The following RAB30 variants were observed in gnomAD, a reference collection of about 807,000 sequenced individuals.
RAB30 encodes the protein ras-related protein Rab-30.
Under a neutral mutation model 25.1 loss-of-function variants are expected in RAB30, and 9 were observed. That is an observed-to-expected ratio of 0.36 (90% CI 0.22 to 0.63). The LOEUF is 0.63. Ranked by LOEUF, RAB30 falls within the 20% of genes least tolerant of loss-of-function variation. The probability of loss-of-function intolerance (pLI) is 0.69; values close to 1 mark genes in which losing one functional copy is unlikely to be tolerated. For missense variants in RAB30, 140 were observed against 243.5 expected, an observed-to-expected ratio of 0.58 and a Z score of 2.83; for synonymous variants, 77 against 86.4, an observed-to-expected ratio of 0.89 and a Z score of 0.60.
intron 1 of RAB30, among the ~76,000 whole-genome samples, chr11:83,031,273 G>A (rs1475842343): frequency 6.6e-6 from 1 of 152,234 alleles, no homozygotes; most frequent in Non-Finnish European, 1.5e-5. Flanking sequence ...GTTCACACAT[G>A]ACATCTGGTT....
At chr11:83,023,803 C>T (rs1363592879) in intron 1 of RAB30, among the ~76,000 whole-genome samples, 2 of 152,118 alleles carry the variant, frequency 1.3e-5, no homozygotes, top group Non-Finnish European at 2.9e-5. Context: ...GTGAATTCCC[C>T]GTGATACGTC....
chr11:83,033,055 CTTTTTTTTTTTTT>C (rs71463144), intron 1 of RAB30, among the ~76,000 whole-genome samples: 1 of 77,864 alleles, frequency 1.3e-5, no homozygotes, highest in East Asian at 3.9e-4. Context: ...GCCTCAAATT[CTTTTTTTTTTTTT>C]TTTTTTTTTT....
intron 1 of RAB30, among the ~76,000 whole-genome samples, chr11:83,044,664 C>A (rs547256724): frequency 2.0e-5 from 3 of 152,324 alleles, no homozygotes; most frequent in African/African-American, 7.2e-5. Flanking sequence ...AGGTACTCTA[C>A]ATTTAATGAG....
chr11:83,061,884 G>T (rs1043983546), intron 1 of RAB30, among the ~76,000 whole-genome samples: 3 of 151,618 alleles, frequency 2.0e-5, no homozygotes, highest in Non-Finnish European at 2.9e-5. Flanking sequence ...GGTTTGAAAG[G>T]TTTCGAATTA....
chr11:83,029,408 T>A (rs1857801274), intron 1 of RAB30, among the ~76,000 whole-genome samples: 1 of 151,710 alleles, frequency 6.6e-6, no homozygotes, highest in Admixed American at 6.6e-5. Flanking sequence ...ATTATTATTA[T>A]TATTATTATT....
chr11:82,992,305 G>A (rs1468292909), intron 3 of RAB30: 2 of 456,076 alleles, frequency 4.4e-6, no homozygotes, highest in East Asian at 1.4e-4. Context: ...CATTTATGTG[G>A]ATTTCATACC....
At chr11:83,069,330 T>C (rs1396213550) in intron 1 of RAB30, among the ~76,000 whole-genome samples, 1 of 152,222 alleles carries the variant, frequency 6.6e-6, no homozygotes, top group South Asian at 2.1e-4. Context: ...GTTACACTAG[T>C]TGCCTCCAGA....
chr11:83,071,033 AT>A (rs1858830047), intron 1 of RAB30, among the ~76,000 whole-genome samples: 1 of 152,258 alleles, frequency 6.6e-6, no homozygotes, highest in Non-Finnish European at 1.5e-5. Flanking sequence ...AACGGAAAAC[AT>A]TTAACAAAAA....
intron 1 of RAB30, among the ~76,000 whole-genome samples, chr11:83,032,125 T>C (rs1300215936): frequency 6.7e-6 from 1 of 149,058 alleles, no homozygotes; most frequent in African/African-American, 2.6e-5. Flanking sequence ...ATCAGATGTC[T>C]CAATAGTAGT....
chr11:83,015,205 C>T (rs1048615552), intron 1 of RAB30, among the ~76,000 whole-genome samples: 1 of 151,948 alleles, frequency 6.6e-6, no homozygotes, highest in East Asian at 1.9e-4. Context: ...GGTGTGGATA[C>T]CAGTAGAAAC....
intron 1 of RAB30, among the ~76,000 whole-genome samples, chr11:83,061,710 C>CTTTTTTT (rs569263010): frequency 2.4e-4 from 19 of 79,854 alleles, no homozygotes; most frequent in East Asian, 7.7e-4. Flanking sequence ...TCTTTCTTTT[C>CTTTTTTT]TTTTTTTTTT....
intron 1 of RAB30, among the ~76,000 whole-genome samples, chr11:83,054,886 G>A (rs923973892): frequency 1.3e-5 from 2 of 152,074 alleles, no homozygotes; most frequent in African/African-American, 2.4e-5. Context: ...AAAGAAAAAC[G>A]AAAAGAAAGC....
intron 1 of RAB30, among the ~76,000 whole-genome samples, chr11:83,063,923 ATATAT>A (rs975677025): frequency 2.6e-5 from 4 of 152,204 alleles, no homozygotes; most frequent in Non-Finnish European, 4.4e-5. Flanking sequence ...AATGCCCAAA[ATATAT>A]TAAGTAAAAG....
chr11:83,013,954 T>C (rs1857358709), intron 1 of RAB30, among the ~76,000 whole-genome samples: 1 of 152,212 alleles, frequency 6.6e-6, no homozygotes, highest in Admixed American at 6.5e-5. Flanking sequence ...GCCTCTCCAT[T>C]TTACAGGTGA....
intron 1 of RAB30, among the ~76,000 whole-genome samples, chr11:83,029,540 T>G (rs1252167735): frequency 6.6e-6 from 1 of 152,134 alleles, no homozygotes; most frequent in East Asian, 1.9e-4. Flanking sequence ...GTGCTGGGAT[T>G]ACAGGTATGA....
intron 1 of RAB30, among the ~76,000 whole-genome samples, chr11:83,011,750 C>T (rs925119409): frequency 6.6e-6 from 1 of 152,154 alleles, no homozygotes; most frequent in Non-Finnish European, 1.5e-5. Flanking sequence ...TCCTGCCCTG[C>T]CCTTCACCAA....
intron 4 of RAB30, among the ~76,000 whole-genome samples, chr11:82,983,105 GTCTA>G (rs2121430789): frequency 6.6e-6 from 1 of 151,846 alleles, no homozygotes; most frequent in African/African-American, 2.4e-5. Context: ...ATACGCAACT[GTCTA>G]TCCAAGAAAA....
intron 1 of RAB30, among the ~76,000 whole-genome samples, chr11:83,059,682 T>A (rs972748223): frequency 2.6e-5 from 4 of 152,208 alleles, no homozygotes; most frequent in Admixed American, 1.3e-4. Flanking sequence ...AAGTTACCTG[T>A]AGTTTCTGAG....
At chr11:83,008,507 A>C (rs1015724894) in intron 1 of RAB30, among the ~76,000 whole-genome samples, 4 of 152,214 alleles carry the variant, frequency 2.6e-5, no homozygotes, top group African/African-American at 9.6e-5. Context: ...TCCTTGAATC[A>C]ACCCCATTGG....
Sources: gnomAD v4.1 joint callset for allele counts (sites outside exome capture counted in the v4.1 genomes callset) on GRCh38, gnomAD v4.1.1 for gene constraint, MANE v1.5 for transcripts, NCBI Gene and HGNC (gene_info 2026-07-23, HGNC 2026-07-21) for gene names.